Variants in COL26A1 observed in about 807,000 individuals in gnomAD.
COL26A1 encodes collagen type XXVI alpha 1 chain, also known as collagen alpha-1(XXVI) chain.
Under a neutral mutation model 59.3 loss-of-function variants are expected in COL26A1, and 41 were observed. The observed-to-expected ratio is 0.69, with a 90% CI of 0.54 to 0.90. The LOEUF is 0.90. COL26A1 is among the 40% of genes least tolerant of loss of function. The pLI, the probability that COL26A1 is intolerant of heterozygous loss-of-function variation, is 0.00. For synonymous variants in COL26A1, 266 were observed against 256.0 expected, an observed-to-expected ratio of 1.04 and a Z score of -0.37; for missense variants, 612 against 602.3, an observed-to-expected ratio of 1.02 and a Z score of -0.17.
upstream of COL26A1, among the ~76,000 whole-genome samples, chr7:101,362,495 G>T (rs1562947169): frequency 6.6e-6 from 1 of 151,076 alleles, no homozygotes. Context: ...CGGAAGACTC[G>T]CATTTGTCTG....
rs1795957933 is a variant in COL26A1, at chr7:101,555,694, G to A, written c.1081-93G>A. 32 of 819,710 alleles carry A rather than the reference G, an allele frequency of 3.9e-5. 1 individual carries two copies. In the South Asian group the frequency reaches 5.1e-4, roughly 13 times the overall value. 50.8% of individuals were successfully genotyped at this position (819,710 alleles called of 1,614,324 possible). A position where few individuals can be genotyped will look rare whatever the true frequency, so the allele number is the denominator to read the frequency against. ...CGGGTGGGAAGAGGCAGGGGTGGGGGGCTTTGAGGACACATACACTGTCAC... is the reference window on the plus strand; with the variant it reads ...CGGGTGGGAAGAGGCAGGGGTGGGGAGCTTTGAGGACACATACACTGTCAC... On this transcript the variant is annotated intron_variant, in intron 11 of 12. Coordinates refer to ENST00000313669, the MANE Select transcript of COL26A1 (RefSeq NM_001278563.3).
At chr7:101,551,224 G>T in intron 10 of COL26A1, 81 bp downstream of exon 10, 1 of 957,694 alleles carries the variant, frequency 1.0e-6, no homozygotes, top group South Asian at 1.5e-5. Context: ...GGGTGGCGGG[G>T]GTTGGTGGGG....
chr7:101,499,053 G>A (rs181692763), intron 3 of COL26A1, among the ~76,000 whole-genome samples: 78 of 152,344 alleles, frequency 5.1e-4, no homozygotes, highest in African/African-American at 1.7e-3. Flanking sequence ...CGGCCTCAAT[G>A]CTTTCCAGAT....
At chr7:101,489,662 T>TTTCTGTCTTTCTTTCTGTCTTTCTTTCTG (rs1794353126) in intron 3 of COL26A1, among the ~76,000 whole-genome samples, 1 of 53,726 alleles carries the variant, frequency 1.9e-5, no homozygotes, top group Non-Finnish European at 3.4e-5. Context: ...TCTTTCTTTC[T>TTTCTGTCTTTCTTTCTGTCTTTCTTTCTG]TCCTTCCTTC....
chr7:101,369,389 A>G (rs1362195973), intron 1 of COL26A1, among the ~76,000 whole-genome samples: 1 of 150,046 alleles, frequency 6.7e-6, no homozygotes, highest in East Asian at 2.0e-4. Context: ...CCTGGGTGAC[A>G]GAGCAAGACT....
chr7:101,437,210 G>C (rs1792936997), intron 2 of COL26A1, among the ~76,000 whole-genome samples: 2 of 152,174 alleles, frequency 1.3e-5, no homozygotes, highest in African/African-American at 4.8e-5. Flanking sequence ...TACTTTGAGG[G>C]TGTAGATTGA....
At chr7:101,496,544 C>T (rs1007597463) in intron 3 of COL26A1, among the ~76,000 whole-genome samples, 3 of 152,144 alleles carry the variant, frequency 2.0e-5, no homozygotes, top group Non-Finnish European at 4.4e-5. Context: ...TACGCTCATC[C>T]TCTTCCTCTG....
At chr7:101,367,982 C>T (rs1029144042) in intron 1 of COL26A1, among the ~76,000 whole-genome samples, 1 of 96,398 alleles carries the variant, frequency 1.0e-5, no homozygotes, top group Non-Finnish European at 2.0e-5. Flanking sequence ...CAAGTCTCCT[C>T]CACTGTCTCC....
At chr7:101,553,522 T>C in intron 11 of COL26A1, 146 bp downstream of exon 11, 1 of 634,586 alleles carries the variant, frequency 1.6e-6, no homozygotes, top group Non-Finnish European at 2.5e-6. Context: ...GCCCCTGCCC[T>C]GAGAAGTTCA....
Position 101,387,772 on chromosome 7 carries a change from A to ATTTTTTTTTTTTT in COL26A1, c.158+24583_158+24584insTTTTTTTTTTTTT, listed in dbSNP as rs1374717696. ...TATATATTTATATATATATATATATATATATATTTTTTTTTAAGACAGAGT... is the reference window on the plus strand; with the variant it reads ...TATATATTTATATATATATATATATATTTTTTTTTTTTTTATATATTTTTTTTTAAGACAGAGT... On this transcript the variant is annotated intron_variant, in intron 1 of 12. Transcript: ENST00000313669. Among the ~76,000 whole-genome samples, 62 of 42,488 alleles carry ATTTTTTTTTTTTT rather than the reference A, an allele frequency of 1.5e-3. 2 individuals are homozygous for ATTTTTTTTTTTTT. Among genetic ancestry groups the ATTTTTTTTTTTTT allele is most frequent in the Non-Finnish European group, 2.5e-3 (52 of 20,690 alleles). 27.9% of individuals were successfully genotyped at this position (42,488 alleles called of 152,430 possible). A position where few individuals can be genotyped will look rare whatever the true frequency, so the allele number is the denominator to read the frequency against.
chr7:101,390,504 C>G (rs1791704119), intron 1 of COL26A1, among the ~76,000 whole-genome samples: 1 of 152,168 alleles, frequency 6.6e-6, no homozygotes, highest in African/African-American at 2.4e-5. Context: ...TAGCTCACTG[C>G]AGCCTCAAAC....
chr7:101,499,880 A>T (rs76391454), intron 3 of COL26A1, among the ~76,000 whole-genome samples: 1 of 59,730 alleles, frequency 1.7e-5, no homozygotes, highest in Non-Finnish European at 3.1e-5. Context: ...TCCCTGCCTT[A>T]AAAAAAAAAA....
intron 1 of COL26A1, among the ~76,000 whole-genome samples, chr7:101,417,497 C>CTT (rs763020003): frequency 2.6e-4 from 35 of 133,872 alleles, no homozygotes; most frequent in African/African-American, 7.3e-4. Flanking sequence ...TGCCTAATAT[C>CTT]TTTTTTTTTT....
intron 2 of COL26A1, among the ~76,000 whole-genome samples, chr7:101,423,458 G>C (rs184608330): frequency 1.3e-5 from 2 of 152,158 alleles, no homozygotes; most frequent in Non-Finnish European, 2.9e-5. Flanking sequence ...GGTCCGGCCC[G>C]GCGTGGTGGC....
At chr7:101,556,613 G>A (rs559732974) in intron 12 of COL26A1, among the ~76,000 whole-genome samples, 35 of 150,592 alleles carry the variant, frequency 2.3e-4, no homozygotes, top group African/African-American at 7.3e-4. Context: ...ATGGATGGAT[G>A]GATGAGTGGA....
chr7:101,480,646 G>A (rs943161981), intron 3 of COL26A1, among the ~76,000 whole-genome samples: 11 of 152,016 alleles, frequency 7.2e-5, no homozygotes, highest in African/African-American at 2.4e-4. Context: ...GACTATAGGC[G>A]TGCGTCACCA....
At chr7:101,517,627 C>T (rs964164169) in intron 3 of COL26A1, among the ~76,000 whole-genome samples, 4 of 152,050 alleles carry the variant, frequency 2.6e-5, no homozygotes, top group Non-Finnish European at 5.9e-5. Flanking sequence ...GGGTCCCTCC[C>T]ACAACATGTG....
At chr7:101,509,096 T>G (rs568962169) in intron 3 of COL26A1, among the ~76,000 whole-genome samples, 2 of 152,124 alleles carry the variant, frequency 1.3e-5, no homozygotes, top group East Asian at 1.9e-4. Context: ...AGCTGATGCG[T>G]CGCATAGCAA....
chr7:101,421,601 G>A (rs1282028758), intron 2 of COL26A1, among the ~76,000 whole-genome samples: 3 of 151,870 alleles, frequency 2.0e-5, no homozygotes, highest in African/African-American at 7.3e-5. Context: ...CTTGAACCCA[G>A]GAGGTGGAGA....
Sources: allele counts gnomAD v4.1 joint callset (sites outside exome capture counted in the v4.1 genomes callset), GRCh38; gene constraint gnomAD v4.1.1; transcripts MANE v1.5; gene names NCBI Gene and HGNC (gene_info 2026-07-23, HGNC 2026-07-21).